The following MRRF variants were observed in gnomAD, a reference collection of about 807,000 sequenced individuals.
The protein encoded by MRRF is mitochondrial ribosome recycling factor, also known as ribosome-recycling factor, mitochondrial.
Under a neutral mutation model 25.1 loss-of-function variants are expected in MRRF, and 18 were observed. That is an observed-to-expected ratio of 0.72 (90% CI 0.50 to 1.06). MRRF has a LOEUF of 1.06. MRRF is among the 50% of genes least tolerant of loss of function. The pLI is 0.00. For synonymous variants in MRRF, 113 were observed against 112.1 expected (o/e 1.01, Z -0.05); for missense variants, 323 against 319.3 (o/e 1.01, Z -0.09).
At position 122,270,863 on chromosome 9, in the gene MRRF, G is replaced by T. The variant is rs763504021; in HGVS notation, c.-28-1G>T. On this transcript the variant is annotated splice_acceptor_variant, in intron 1 of 6. Transcript: ENST00000344641. LOFTEE classifies it low-confidence loss of function (5UTR_SPLICE). ...TCTGCTTTTTGTCTTATTCTTTTTA[G>T]TGGATGTTTCCAAGGATTGTCTTCA... 1.9e-6 allele frequency: 3 copies of T among 1,611,880 alleles called. No homozygotes were observed. The highest frequency in any genetic ancestry group is 2.5e-6 in the Non-Finnish European group (3 of 1,178,098).
Position 122,277,322 on chromosome 9 carries a change from A to T in MRRF, c.185-3121A>T, listed in dbSNP as rs564571190. On this transcript the variant is annotated intron_variant, in intron 2 of 6. Coordinates refer to ENST00000344641, the MANE Select transcript of MRRF (RefSeq NM_138777.5). ...GTCTTAAAATCTTTTTTGTTTGATG[A>T]TAATGTAGCTACACCAGCCTTCTTT... 2.0e-5 allele frequency among the ~76,000 whole-genome samples: 3 copies of T among 152,182 alleles called. No individual in the cohort carries two copies. In the East Asian group the frequency reaches 5.8e-4, roughly 29 times the overall value.
At chr9:122,305,232 G>A (rs570031916) in intron 5 of MRRF, among the ~76,000 whole-genome samples, 7 of 151,836 alleles carry the variant, frequency 4.6e-5, no homozygotes, top group Non-Finnish European at 8.8e-5. Flanking sequence ...CCAACATAGC[G>A]AAACCCCATC....
In MRRF at chr9:122,291,796, G is replaced by A. The variant is rs370486271; in HGVS notation, c.507G>A (p.Leu169=). Residue 169 remains leucine, a synonymous_variant, in exon 5 of 7, where the codon CTG becomes CTA. Transcript: ENST00000344641. ...IKAIRESGMN[L]NPEVEGTLIR... ...CTATAAGAGAAAGTGGAATGAATCTGAACCCAGAAGTGGAAGGGACGCTAA... is the reference window on the plus strand; with the variant it reads ...CTATAAGAGAAAGTGGAATGAATCTAAACCCAGAAGTGGAAGGGACGCTAA... The A allele has an allele frequency of 9.3e-6, 15 of 1,613,862 alleles. No homozygotes were observed. In the Admixed American group the frequency reaches 2.0e-4, roughly 22 times the overall value.
At chr9:122,275,261 T>TCAC (rs373748666) in intron 2 of MRRF, among the ~76,000 whole-genome samples, 3 of 152,206 alleles carry the variant, frequency 2.0e-5, no homozygotes, top group East Asian at 1.9e-4. Flanking sequence ...CTCCATTTCC[T>TCAC]CACCACCACC....
At chr9:122,320,005 G>A (rs1285582888) in intron 6 of MRRF, among the ~76,000 whole-genome samples, 12 of 150,918 alleles carry the variant, frequency 8.0e-5, no homozygotes, top group Non-Finnish European at 1.5e-4. Context: ...TTCCTGAGTA[G>A]CCGGGACTAC....
rs1417845552 is a variant in MRRF at position 122,329,691 on chromosome 9, C to T, written c.*7074C>T. On this transcript the variant is annotated 3_prime_UTR_variant, in exon 7 of 7. Transcript: ENST00000344641. ...CCTTCAACAGACCTTTCCTTTCCTT[C>T]CTGGGCACACCCTTGAGTGGTGCTC... 1 of 152,364 alleles carries T rather than the reference C, an allele frequency of 6.6e-6. No homozygotes were observed. The highest frequency in any genetic ancestry group is 1.5e-5 in the Non-Finnish European group (1 of 68,134). The allele number at this position is 152,364 out of a possible 1,614,324, so 9.4% of individuals were successfully genotyped here.
At chr9:122,300,561 A>G (rs1013671121) in intron 5 of MRRF, among the ~76,000 whole-genome samples, 1 of 152,194 alleles carries the variant, frequency 6.6e-6, no homozygotes, top group African/African-American at 2.4e-5. Context: ...CCTCCTGGTT[A>G]AGGAGTTCTT....
chr9:122,266,523 C>T (rs954613168), intron 1 of MRRF, among the ~76,000 whole-genome samples: 2 of 152,112 alleles, frequency 1.3e-5, no homozygotes, highest in African/African-American at 4.8e-5. Flanking sequence ...TTGCAAAATA[C>T]GGGTGGTGAT....
At chr9:122,279,972 T>C (rs1192542985) in intron 2 of MRRF, among the ~76,000 whole-genome samples, 1 of 152,244 alleles carries the variant, frequency 6.6e-6, no homozygotes, top group Non-Finnish European at 1.5e-5. Context: ...CCTGTGACAT[T>C]AGGCAAATAG....
chr9:122,287,904 C>T (rs941880678), intron 4 of MRRF, among the ~76,000 whole-genome samples: 5 of 152,178 alleles, frequency 3.3e-5, no homozygotes, highest in African/African-American at 9.7e-5. Flanking sequence ...CCTCCAGCTT[C>T]GAAGCTGACC....
In MRRF at chr9:122,271,020, A is replaced by G. The variant is rs746827869; in HGVS notation, c.129A>G (p.Gln43=). 4.0e-5 allele frequency: 64 copies of G among 1,614,216 alleles called. No individual in the cohort carries two copies. In the African/African-American group the frequency reaches 4.3e-4, roughly 11 times the overall value. Reference sequence around the variant, plus strand: ...ATGAAAGACAACATGGCCATAGGCAATACATGGCCTATTCAGCTGTACCAG... The same window carrying G: ...ATGAAAGACAACATGGCCATAGGCAGTACATGGCCTATTCAGCTGTACCAG... ...TVHERQHGHR[Q]YMAYSAVPVR... is the part of the protein sequence containing the mutation. The change falls in exon 2 of 7, where the codon CAA becomes CAG. Residue 43 remains glutamine (Q), a synonymous_variant. Coordinates refer to ENST00000344641, the MANE Select transcript of MRRF (RefSeq NM_138777.5).
Sources: allele counts gnomAD v4.1 joint callset (sites outside exome capture counted in the v4.1 genomes callset), GRCh38; gene constraint gnomAD v4.1.1; transcripts MANE v1.5; gene names NCBI Gene and HGNC (gene_info 2026-07-23, HGNC 2026-07-21).